Variants in ROBO2 observed in about 807,000 individuals in gnomAD.
ROBO2 encodes the protein roundabout homolog 2.
Under a neutral mutation model 160.8 loss-of-function variants are expected in ROBO2, and 53 were observed. That is an observed-to-expected ratio of 0.33 (90% CI 0.26 to 0.41). ROBO2 has a LOEUF of 0.41. Among genes scored for constraint, ROBO2 ranks in the 10% least tolerant of loss-of-function variants. The pLI is 1.00. For missense variants in ROBO2, 1,577 were observed against 1,722.4 expected (o/e 0.92, Z 1.49); for synonymous variants, 664 against 611.7 (o/e 1.09, Z -1.26).
At chr3:76,672,425 A>G (rs2092293959) in intron 2 of ROBO2, among the ~76,000 whole-genome samples, 1 of 152,186 alleles carries the variant, frequency 6.6e-6, no homozygotes, top group South Asian at 2.1e-4. Context: ...ACAAAGTCCT[A>G]TTTACTTTGG....
At chr3:76,971,975 T>C (rs2059592731) in intron 2 of ROBO2, among the ~76,000 whole-genome samples, 1 of 152,240 alleles carries the variant, frequency 6.6e-6, no homozygotes, top group African/African-American at 2.4e-5. Flanking sequence ...AATTTTATTT[T>C]GATCATATCT....
At chr3:77,411,592 C>G (rs2076807573) in intron 2 of ROBO2, among the ~76,000 whole-genome samples, 1 of 152,120 alleles carries the variant, frequency 6.6e-6, no homozygotes, top group African/African-American at 2.4e-5. Flanking sequence ...TACCAACACA[C>G]TTTATTAAGC....
chr3:77,614,733 C>A (rs61519190), intron 21 of ROBO2, among the ~76,000 whole-genome samples: 5 of 148,984 alleles, frequency 3.4e-5, no homozygotes, highest in African/African-American at 1.0e-4. Flanking sequence ...AACCAACCAA[C>A]CAACCAACCA....
At chr3:77,356,182 A>G (rs999381527) in intron 2 of ROBO2, among the ~76,000 whole-genome samples, 1 of 152,204 alleles carries the variant, frequency 6.6e-6, no homozygotes, top group Non-Finnish European at 1.5e-5. Context: ...GATCTGTATT[A>G]AAAGAATGAG....
chr3:77,624,437 G>T (rs1187938696), intron 23 of ROBO2, among the ~76,000 whole-genome samples: 1 of 151,962 alleles, frequency 6.6e-6, no homozygotes. Flanking sequence ...AAGGTTGTAA[G>T]TGTGATATAG....
chr3:77,007,031 G>A (rs970588604), intron 2 of ROBO2, among the ~76,000 whole-genome samples: 5 of 152,036 alleles, frequency 3.3e-5, no homozygotes, highest in African/African-American at 4.8e-5. Context: ...TTCATTCCAG[G>A]TGCAAACAAA....
chr3:76,207,842 GTTTAGATC>G (rs1702905308), intron 2 of ROBO2, among the ~76,000 whole-genome samples: 4 of 152,296 alleles, frequency 2.6e-5, no homozygotes, highest in Admixed American at 2.6e-4. Flanking sequence ...ATGTGATATG[GTTTAGATC>G]TGTGTCCCCA....
intron 2 of ROBO2, among the ~76,000 whole-genome samples, chr3:77,438,246 T>C (rs2079525050): frequency 6.6e-6 from 1 of 150,402 alleles, no homozygotes; most frequent in African/African-American, 2.4e-5. Flanking sequence ...GATTGATAGA[T>C]AGATAGATGA....
chr3:77,080,333 T>C (rs1265808901), intron 1 of ROBO2, among the ~76,000 whole-genome samples: 2 of 152,136 alleles, frequency 1.3e-5, no homozygotes, highest in African/African-American at 2.4e-5. Flanking sequence ...ATTTACCAGA[T>C]GGAGGCTGAA....
At chr3:76,078,077 T>TC (rs1031469044) in intron 2 of ROBO2, among the ~76,000 whole-genome samples, 3 of 152,200 alleles carry the variant, frequency 2.0e-5, no homozygotes, top group African/African-American at 7.2e-5. Context: ...AATATATTCT[T>TC]CCCTTAGTGG....
At chr3:77,367,779 T>C (rs1025419925) in intron 2 of ROBO2, among the ~76,000 whole-genome samples, 4 of 152,162 alleles carry the variant, frequency 2.6e-5, no homozygotes, top group African/African-American at 7.2e-5. Context: ...TCTGCTATAA[T>C]GTTAACTCTT....
chr3:76,877,974 G>C (rs2072932169), intron 2 of ROBO2, among the ~76,000 whole-genome samples: 1 of 151,984 alleles, frequency 6.6e-6, no homozygotes. Flanking sequence ...CTTCTTATAG[G>C]GCCACCAGAC....
chr3:76,092,213 T>C (rs1411733881), intron 2 of ROBO2, among the ~76,000 whole-genome samples: 2 of 152,162 alleles, frequency 1.3e-5, no homozygotes, highest in African/African-American at 4.8e-5. Context: ...TACCACTCAA[T>C]TAGGTTGTCT....
At chr3:76,117,776 G>T (rs980742242) in intron 2 of ROBO2, among the ~76,000 whole-genome samples, 2 of 152,052 alleles carry the variant, frequency 1.3e-5, no homozygotes, top group African/African-American at 4.8e-5. Flanking sequence ...GAATATAAAA[G>T]ACACAAATGA....
At chr3:75,961,782 A>T (rs77546158) in intron 2 of ROBO2, among the ~76,000 whole-genome samples, 2,236 of 151,748 alleles carry the variant, frequency 0.015, 57 homozygotes, top group African/African-American at 0.052. Context: ...GAGGAGAAAG[A>T]TAGAAAATTT....
intron 6 of ROBO2, among the ~76,000 whole-genome samples, chr3:77,534,203 T>C (rs2091941837): frequency 6.6e-6 from 1 of 152,126 alleles, no homozygotes; most frequent in African/African-American, 2.4e-5. Context: ...TTCATTTCTT[T>C]TGTTGTACTC....
intron 2 of ROBO2, among the ~76,000 whole-genome samples, chr3:76,099,306 A>C (rs1200405259): frequency 2.0e-5 from 3 of 152,078 alleles, no homozygotes; most frequent in African/African-American, 7.2e-5. Context: ...TTTAAGGATA[A>C]TATATTTAGT....
chr3:76,767,543 A>G (rs1349841321), intron 2 of ROBO2, among the ~76,000 whole-genome samples: 1 of 151,602 alleles, frequency 6.6e-6, no homozygotes, highest in Non-Finnish European at 1.5e-5. Context: ...TCTTTCAATG[A>G]TAAAGAATAA....
intron 2 of ROBO2, among the ~76,000 whole-genome samples, chr3:76,402,474 G>T (rs1320616366): frequency 1.3e-5 from 2 of 151,550 alleles, no homozygotes; most frequent in African/African-American, 4.8e-5. Flanking sequence ...AGATTAGCAA[G>T]AACTTATGGG....
Sources: allele counts gnomAD v4.1 joint callset (sites outside exome capture counted in the v4.1 genomes callset), GRCh38; gene constraint gnomAD v4.1.1; transcripts MANE v1.5; gene names NCBI Gene and HGNC (gene_info 2026-07-23, HGNC 2026-07-21).